Variants in KDM4B observed in about 807,000 individuals in gnomAD.
KDM4B encodes the protein lysine-specific demethylase 4B.
KDM4B carries 32 observed loss-of-function variants against 125.2 expected under a neutral mutation model. The observed-to-expected ratio is 0.26, with a 90% CI of 0.19 to 0.34. KDM4B has a LOEUF of 0.34. Among genes scored for constraint, KDM4B ranks in the 10% least tolerant of loss-of-function variants. The pLI is 1.00. For missense variants in KDM4B, 1,190 were observed against 1,577.7 expected, an observed-to-expected ratio of 0.75 and a Z score of 4.16; for synonymous variants, 721 against 677.9, an observed-to-expected ratio of 1.06 and a Z score of -0.99.
At chr19:5,003,381 T>C (rs1354609053) in intron 1 of KDM4B, among the ~76,000 whole-genome samples, 1 of 152,126 alleles carries the variant, frequency 6.6e-6, no homozygotes, top group Non-Finnish European at 1.5e-5. Flanking sequence ...CTCGGGAGGC[T>C]GAGGAAGGAG....
chr19:4,989,194 C>G (rs1230059632), intron 1 of KDM4B, among the ~76,000 whole-genome samples: 1 of 152,146 alleles, frequency 6.6e-6, no homozygotes, highest in African/African-American at 2.4e-5. Flanking sequence ...GGCCCTGTGG[C>G]CTGGGGTGGA....
chr19:5,135,388 G>C lies in KDM4B; in HGVS notation c.2135G>C (p.Cys712Ser). ...CCCATAGCCTCCCTCGGAGAGGGCTGCCCGGCCACATTACCCTCCAAAAGC... is the reference window on the plus strand; with the variant it reads ...CCCATAGCCTCCCTCGGAGAGGGCTCCCCGGCCACATTACCCTCCAAAAGC... ...EAPIASLGEG[C>S]PATLPSKSRQ... The change falls in exon 15 of 23, where the codon TGC becomes TCC. Residue 712 changes from cysteine to serine, a missense_variant. Cys to Ser is a moderately radical substitution (Grantham distance 112, BLOSUM62 -1). Coordinates refer to ENST00000159111, the MANE Select transcript of KDM4B (RefSeq NM_015015.3). 6.2e-7 allele frequency: 1 copy of C among 1,613,584 alleles called. No individual in the cohort carries two copies. The highest frequency in any genetic ancestry group is 1.3e-5 in the African/African-American group (1 of 75,064).
intron 1 of KDM4B, among the ~76,000 whole-genome samples, chr19:4,979,192 A>G (rs751988631): frequency 6.6e-6 from 1 of 152,088 alleles, no homozygotes; most frequent in Non-Finnish European, 1.5e-5. Context: ...CTGAGGCGGG[A>G]GGATTGCTTG....
At chr19:5,062,223 C>T (rs2037624267) in intron 6 of KDM4B, among the ~76,000 whole-genome samples, 1 of 152,256 alleles carries the variant, frequency 6.6e-6, no homozygotes, top group African/African-American at 2.4e-5. Flanking sequence ...TTGGCAGTTC[C>T]CGGGCTGTCT....
At chr19:4,974,958 G>GCCTTCCCTGCCCGC (rs2034395046) in intron 1 of KDM4B, among the ~76,000 whole-genome samples, 1 of 151,698 alleles carries the variant, frequency 6.6e-6, no homozygotes, top group South Asian at 2.1e-4. Flanking sequence ...TGGCACAGCC[G>GCCTTCCCTGCCCGC]CCTTCCCTGC....
intron 9 of KDM4B, among the ~76,000 whole-genome samples, chr19:5,086,403 G>T (rs1206078898): frequency 1.3e-5 from 2 of 152,174 alleles, no homozygotes; most frequent in African/African-American, 4.8e-5. Flanking sequence ...TGGGAGGAGG[G>T]CAATTAAAAG....
At position 5,137,528 on chromosome 19, in the gene KDM4B, G is replaced by A. The variant is rs144228970; in HGVS notation, c.2386-93G>A. 172 of 1,354,526 alleles carry A rather than the reference G, an allele frequency of 1.3e-4. No individual in the cohort carries two copies. In the East Asian group the frequency reaches 1.5e-3, roughly 12 times the overall value. 83.9% of individuals were successfully genotyped at this position (1,354,526 alleles called of 1,614,324 possible). ...GCTGCTAGGTTGAAATATAAGGGCC[G>A]TGGGCTGGGGACGGTTGGCAGATCA... On this transcript the variant is annotated intron_variant, in intron 16 of 22. Coordinates refer to ENST00000159111, the MANE Select transcript of KDM4B (RefSeq NM_015015.3).
At chr19:5,132,374 G>A (rs979558032) in intron 13 of KDM4B, among the ~76,000 whole-genome samples, 2 of 152,212 alleles carry the variant, frequency 1.3e-5, no homozygotes, top group African/African-American at 2.4e-5. Flanking sequence ...AGTGGGAGGG[G>A]AGGAGATGGA....
At chr19:5,086,653 C>G (rs1055129316) in intron 9 of KDM4B, among the ~76,000 whole-genome samples, 34 of 152,332 alleles carry the variant, frequency 2.2e-4, no homozygotes, top group African/African-American at 6.7e-4. Flanking sequence ...CCTCCCCCCC[C>G]CAGCCCCCAG....
intron 12 of KDM4B, 104 bp downstream of exon 12, chr19:5,131,649 A>AGGTGGGGTGGGGCAG (rs2039557279): frequency 5.2e-5 from 12 of 232,672 alleles, no homozygotes; most frequent in African/African-American, 2.2e-4. Flanking sequence ...GGGAGGGGGC[A>AGGTGGGGTGGGGCAG]GGGAGGAGGG....
chr19:5,131,661 A>AGGAGGGGG, intron 12 of KDM4B, 116 bp downstream of exon 12: 3 of 191,656 alleles, frequency 1.6e-5, no homozygotes, highest in South Asian at 6.1e-5. Context: ...GGAGGAGGGG[A>AGGAGGGGG]CAGGAGGGCT....
intron 3 of KDM4B, among the ~76,000 whole-genome samples, chr19:5,034,211 T>G (rs767151667): frequency 7.9e-5 from 12 of 152,238 alleles, no homozygotes; most frequent in Non-Finnish European, 1.5e-4. Flanking sequence ...CGTGAGTCTC[T>G]GTGTTCGGGT....
At chr19:5,132,612 C>T (rs374475014) in intron 13 of KDM4B, among the ~76,000 whole-genome samples, 5 of 152,002 alleles carry the variant, frequency 3.3e-5, no homozygotes, top group South Asian at 4.1e-4. Context: ...GGAATCGGCA[C>T]GGGGACAGAG....
At chr19:5,016,186 A>T (rs2035887574) in intron 1 of KDM4B, 71 bp from the exon 2 acceptor site, 1 of 152,184 alleles carries the variant, frequency 6.6e-6, no homozygotes, top group Non-Finnish European at 1.5e-5. Flanking sequence ...AGCTGGTGGG[A>T]GTCGAATTTA....
At chr19:5,057,889 G>T (rs1266169367) in intron 6 of KDM4B, among the ~76,000 whole-genome samples, 1 of 152,262 alleles carries the variant, frequency 6.6e-6, no homozygotes, top group Non-Finnish European at 1.5e-5. Context: ...ACAGTTTGTT[G>T]TGGGACATGG....
At chr19:5,027,242 T>G (rs2036308192) in intron 2 of KDM4B, among the ~76,000 whole-genome samples, 1 of 152,216 alleles carries the variant, frequency 6.6e-6, no homozygotes, top group South Asian at 2.1e-4. Context: ...CTGCTAAACA[T>G]GCACAGCAGG....
At chr19:5,097,230 C>T (rs577782097) in intron 9 of KDM4B, among the ~76,000 whole-genome samples, 7 of 152,314 alleles carry the variant, frequency 4.6e-5, no homozygotes, top group Admixed American at 2.6e-4. Context: ...GCGCATCAGT[C>T]GGCCATCCAG....
chr19:5,148,676 T>C (rs2039893701), intron 21 of KDM4B, among the ~76,000 whole-genome samples: 1 of 151,488 alleles, frequency 6.6e-6, no homozygotes, highest in Non-Finnish European at 1.5e-5. Context: ...CAAAACCCGC[T>C]GCTGCCCTTG....
At chr19:5,123,937 T>C (rs1469473838) in intron 11 of KDM4B, among the ~76,000 whole-genome samples, 1 of 119,346 alleles carries the variant, frequency 8.4e-6, no homozygotes, top group Admixed American at 1.0e-4. Flanking sequence ...GGGACTGGCG[T>C]GGGACAGGGA....
Sources: allele counts gnomAD v4.1 joint callset (sites outside exome capture counted in the v4.1 genomes callset), GRCh38; gene constraint gnomAD v4.1.1; transcripts MANE v1.5; gene names NCBI Gene and HGNC (gene_info 2026-07-23, HGNC 2026-07-21).